COPS5: variants seen among roughly 807,000 people sequenced by gnomAD.
The protein encoded by COPS5 is COP9 signalosome complex subunit 5.
A neutral mutation model predicts 44.4 loss-of-function variants in COPS5; 8 were observed. That is an observed-to-expected ratio of 0.18 (90% CI 0.11 to 0.32). The LOEUF (loss-of-function observed/expected upper bound fraction) is 0.32, where lower values mean the gene tolerates loss of function less well. Ranked by LOEUF, COPS5 falls within the 10% of genes least tolerant of loss-of-function variation. The pLI is 1.00. For synonymous variants in COPS5, 122 were observed against 142.8 expected (o/e 0.85, Z 1.04); for missense variants, 159 against 406.4 (o/e 0.39, Z 5.23).
chr8:67,043,450 GAA>G, intron 7 of COPS5, 133 bp from the exon 8 acceptor site: 2 of 527,790 alleles, frequency 3.8e-6, no homozygotes, highest in South Asian at 2.8e-5. Flanking sequence ...ACCCCAATCT[GAA>G]GTTTTCCCTT....
chr8:67,057,968 T>C, intron 3 of COPS5, 115 bp downstream of exon 3: 4 of 1,094,772 alleles, frequency 3.7e-6, no homozygotes, highest in Non-Finnish European at 1.3e-6. Context: ...CATTGAAACC[T>C]AGGCAGACTG....
chr8:67,046,094 TAGTC>T (rs1279560181), intron 6 of COPS5, 134 bp from the exon 7 acceptor site: 4 of 878,788 alleles, frequency 4.6e-6, no homozygotes, highest in Non-Finnish European at 5.1e-6. Context: ...TCTGAGTGAA[TAGTC>T]AGTGAGGAGA....
intron 6 of COPS5, among the ~76,000 whole-genome samples, chr8:67,047,449 T>C (rs528570726): frequency 3.3e-5 from 5 of 152,332 alleles, no homozygotes; most frequent in African/African-American, 9.6e-5. Context: ...AAATATAGGC[T>C]ACCAGAAATA....
At chr8:67,043,689 A>G (rs961631127) in intron 7 of COPS5, 1 of 153,982 alleles carries the variant, frequency 6.5e-6, no homozygotes, top group African/African-American at 2.4e-5. Context: ...AAAGAATACT[A>G]TGCTTTTTTC....
chr8:67,050,421 A>G lies in COPS5; in HGVS notation c.771+809T>C, dbSNP rs1406003033. Among the ~76,000 whole-genome samples the G allele has an allele frequency of 2.0e-5, 3 of 152,334 alleles. No individual in the cohort carries two copies. In the East Asian group the frequency reaches 5.8e-4, roughly 29 times the overall value. On this transcript the variant is annotated intron_variant, in intron 6 of 7. Transcript: ENST00000357849. ...GAAGGAGTTTTCTACGCTGCGGCTC[A>G]GCAGTAAAGCACTTGCCGTGGCGCA...
intron 6 of COPS5, among the ~76,000 whole-genome samples, chr8:67,048,815 C>A (rs563703659): frequency 2.0e-4 from 30 of 151,390 alleles, no homozygotes; most frequent in Non-Finnish European, 4.0e-4. Flanking sequence ...TTAATTGAGG[C>A]TTTATTATAT....
At chr8:67,044,399 G>C (rs898795303) in intron 7 of COPS5, 1 of 152,020 alleles carries the variant, frequency 6.6e-6, no homozygotes, top group Non-Finnish European at 1.5e-5. Context: ...AAAACCCACT[G>C]AGAAGATGGC....
chr8:67,059,409 C>T lies in COPS5; in HGVS notation c.180G>A (p.Leu60=). The change falls in exon 2 of 8, where the codon TTG becomes TTA. Residue 60 remains leucine, a synonymous_variant. Transcript: ENST00000357849. The stretch of plus-strand genomic sequence containing the variant: ...CATGCATCACCATCTTCAGCAGAGC[C>T]AATGCTGAGATTTTGCAGTACTTAA... ...HYFKYCKISA[L]ALLKMVMHAR... 9.9e-6 allele frequency: 16 copies of T among 1,614,072 alleles called. No individual in the cohort carries two copies. Among genetic ancestry groups the T allele is most frequent in the Non-Finnish European group, 1.4e-5 (16 of 1,179,978 alleles).
chr8:67,049,419 G>A (rs1390023789), intron 6 of COPS5, among the ~76,000 whole-genome samples: 1 of 151,826 alleles, frequency 6.6e-6, no homozygotes, highest in South Asian at 2.1e-4. Flanking sequence ...AGCTGAGATC[G>A]TGCCACCACA....
rs1224571316 is a variant in COPS5 at position 67,043,241 on chromosome 8, T to C, written c.997A>G (p.Ile333Val). Residue 333 changes from isoleucine (I) to valine (V), a missense_variant, in exon 8 of 8, where the codon ATC becomes GTC. By Grantham distance (29) the Ile-to-Val change is conservative. Transcript: ENST00000357849. Reference protein sequence around the residue: ...IKDKLFNQINIS With the variant: ...IKDKLFNQINVS ...TACTTCTCAGAGACTGTTTAAGAGA[T>C]GTTAATTTGATTAAACAGTTTATCC... 7.1e-6 allele frequency: 11 copies of C among 1,542,000 alleles called. No homozygotes were observed. The highest frequency in any genetic ancestry group is 9.0e-6 in the Non-Finnish European group (10 of 1,117,268).
rs557529465 is a variant in COPS5, at chr8:67,059,549, T to C, written c.144-104A>G. The C allele has an allele frequency of 1.3e-5, 11 of 815,366 alleles. No homozygotes were observed. The East Asian group carries it at 2.7e-4, about 20-fold the overall frequency. The allele number at this position is 815,366 out of a possible 1,614,324, so 50.5% of individuals were successfully genotyped here. A position where few individuals can be genotyped will look rare whatever the true frequency, so the allele number is the denominator to read the frequency against. ...TAAGTATTGAAGGAATTTAGAGCGA[T>C]GGAAAGGGAGTGTAGACTACGGGGA... On this transcript the variant is annotated intron_variant, in intron 1 of 7. Transcript: ENST00000357849.
At chr8:67,056,464 G>T in intron 5 of COPS5, 55 bp downstream of exon 5, 2 of 616,818 alleles carry the variant, frequency 3.2e-6, no homozygotes, top group South Asian at 1.7e-5. Flanking sequence ...CAAAGTGCTG[G>T]GATTATAGGT....
Position 67,058,080 on chromosome 8 carries a change from T to C in COPS5, c.507+3A>G, listed in dbSNP as rs766174393. 2 of 1,613,562 alleles carry C rather than the reference T, an allele frequency of 1.2e-6. No homozygotes were observed. Among genetic ancestry groups the C allele is most frequent in the South Asian group, 2.2e-5 (2 of 91,032 alleles). On this transcript the variant is annotated splice_donor_region_variant and intron_variant, in intron 3 of 7. Transcript: ENST00000357849. The stretch of plus-strand genomic sequence containing the variant: ...TTAATTAAACTGGTTTTAAAATTCT[T>C]ACCACCACTGCTACAAATGGTTCCT...
intron 5 of COPS5, among the ~76,000 whole-genome samples, chr8:67,052,949 A>G (rs1367869746): frequency 6.6e-6 from 1 of 152,004 alleles, no homozygotes; most frequent in African/African-American, 2.4e-5. Context: ...TTATAGTACC[A>G]TTAGGAGATA....
chr8:67,049,665 C>T (rs1450850374), intron 6 of COPS5, among the ~76,000 whole-genome samples: 1 of 152,022 alleles, frequency 6.6e-6, no homozygotes, highest in Non-Finnish European at 1.5e-5. Flanking sequence ...AATGCTTTAC[C>T]TTGAGATTTT....
chr8:67,049,575 T>C (rs1466003166), intron 6 of COPS5, among the ~76,000 whole-genome samples: 2 of 152,236 alleles, frequency 1.3e-5, no homozygotes, highest in Non-Finnish European at 2.9e-5. Context: ...GGAGAATAAT[T>C]CTTTATCTCT....
At chr8:67,045,511 C>T (rs1816689772) in intron 7 of COPS5, 1 of 317,174 alleles carries the variant, frequency 3.2e-6, no homozygotes, top group African/African-American at 2.1e-5. Context: ...TTTAAAGATC[C>T]ACTTAAGGGC....
intron 6 of COPS5, among the ~76,000 whole-genome samples, chr8:67,050,893 A>G (rs768790130): frequency 6.6e-6 from 1 of 152,122 alleles, no homozygotes; most frequent in African/African-American, 2.4e-5. Context: ...TTCATTAGGT[A>G]TCCTGTTACT....
chr8:67,052,211 A>C (rs1261367223), intron 5 of COPS5, among the ~76,000 whole-genome samples: 1 of 152,152 alleles, frequency 6.6e-6, no homozygotes, highest in Non-Finnish European at 1.5e-5. Flanking sequence ...GGTGTAGGGT[A>C]AACATTTTTG....
Sources: gnomAD v4.1 joint callset for allele counts (sites outside exome capture counted in the v4.1 genomes callset) on GRCh38, gnomAD v4.1.1 for gene constraint, MANE v1.5 for transcripts, NCBI Gene and HGNC (gene_info 2026-07-23, HGNC 2026-07-21) for gene names.